NEK1: variants seen among roughly 807,000 people sequenced by gnomAD.
The protein encoded by NEK1 is NIMA related kinase 1, also known as serine/threonine-protein kinase Nek1.
A neutral mutation model predicts 182.1 loss-of-function variants in NEK1; 137 were observed. That is an observed-to-expected ratio of 0.75 (90% confidence interval 0.65 to 0.87). The LOEUF is 0.87. Among genes scored for constraint, NEK1 ranks in the 40% least tolerant of loss-of-function variants. The pLI, the probability that NEK1 is intolerant of heterozygous loss-of-function variation, is 0.00. For synonymous variants in NEK1, 513 were observed against 492.2 expected (o/e 1.04, Z -0.56); for missense variants, 1,391 against 1,494.4 (o/e 0.93, Z 1.14).
At chr4:169,480,695 T>G (rs1306794285) in intron 23 of NEK1, among the ~76,000 whole-genome samples, 1 of 152,154 alleles carries the variant, frequency 6.6e-6, no homozygotes, top group Non-Finnish European at 1.5e-5. Context: ...GCTGCATCCA[T>G]TGACTCTTTC....
rs72692986 is a variant in NEK1, at chr4:169,591,986, C to T, written c.313-1177G>A. ...AAGACTGGAGATGCAAATGACGGGG[C>T]GAAAAAATGCCCGAAAAACGCATAT... is the stretch of plus-strand genomic sequence containing the variant. On this transcript the variant is annotated intron_variant, in intron 5 of 35. Transcript: ENST00000507142. Among the ~76,000 whole-genome samples the T allele has an allele frequency of 6.9e-3, 1,031 of 150,388 alleles. 6 individuals are homozygous for T. Among genetic ancestry groups the T allele is most frequent in the Non-Finnish European group, 8.2e-3 (552 of 67,710 alleles).
At chr4:169,575,590 C>CA (rs1205069446) in intron 12 of NEK1, among the ~76,000 whole-genome samples, 1 of 152,208 alleles carries the variant, frequency 6.6e-6, no homozygotes, top group Non-Finnish European at 1.5e-5. Flanking sequence ...AGAGCAGCAC[C>CA]AGATAAGTTC....
chr4:169,601,423 G>A (rs1462907624), intron 4 of NEK1, among the ~76,000 whole-genome samples: 2 of 152,006 alleles, frequency 1.3e-5, no homozygotes, highest in African/African-American at 4.8e-5. Flanking sequence ...CTTAATACCT[G>A]CATTATTAAA....
chr4:169,498,350 CTT>C lies in NEK1; in HGVS notation c.2007+8685_2007+8686del, dbSNP rs1350732937. Among the ~76,000 whole-genome samples the C allele has an allele frequency of 2.6e-5, 4 of 152,178 alleles. No homozygotes were observed. The East Asian group carries it at 5.8e-4, about 22-fold the overall frequency. On this transcript the variant is annotated intron_variant, in intron 23 of 35. Transcript: ENST00000507142. ...TACAGCACACTGACGGATCTTGACT[CTT>C]TATCCAATTTGCCAGTCTGTGTCTT...
chr4:169,417,827 T>C (rs1734798141), intron 31 of NEK1, among the ~76,000 whole-genome samples: 1 of 152,162 alleles, frequency 6.6e-6, no homozygotes, highest in South Asian at 2.1e-4. Flanking sequence ...ATGAATGAAG[T>C]AAACCCTACC....
chr4:169,570,440 A>C (rs1358151558), intron 12 of NEK1, among the ~76,000 whole-genome samples: 3 of 144,362 alleles, frequency 2.1e-5, no homozygotes, highest in African/African-American at 7.8e-5. Flanking sequence ...CCAGCCGCCC[A>C]GTCTGGGAGG....
intron 27 of NEK1, among the ~76,000 whole-genome samples, chr4:169,461,203 T>A (rs999603780): frequency 6.6e-6 from 1 of 152,146 alleles, no homozygotes. Context: ...TACCTCCACA[T>A]ACACATGAGC....
intron 18 of NEK1, among the ~76,000 whole-genome samples, chr4:169,553,811 T>C (rs1055419290): frequency 2.0e-5 from 3 of 152,196 alleles, no homozygotes; most frequent in African/African-American, 7.2e-5. Flanking sequence ...ACTGATTAAA[T>C]TGGCCAAAAT....
chr4:169,610,337 C>T (rs1350882952), intron 2 of NEK1, among the ~76,000 whole-genome samples: 1 of 150,964 alleles, frequency 6.6e-6, no homozygotes, highest in African/African-American at 2.5e-5. Flanking sequence ...TTCTTTGAGA[C>T]AAGCCTCACT....
At chr4:169,538,390 T>G (rs1758844418) in intron 18 of NEK1, among the ~76,000 whole-genome samples, 2 of 152,158 alleles carry the variant, frequency 1.3e-5, no homozygotes, top group Admixed American at 1.3e-4. Context: ...TATGTTTGAA[T>G]TCCCTAAATA....
intron 31 of NEK1, among the ~76,000 whole-genome samples, chr4:169,410,659 C>T (rs1733517123): frequency 6.6e-6 from 1 of 152,118 alleles, no homozygotes; most frequent in Non-Finnish European, 1.5e-5. Context: ...GGAACACTTC[C>T]CAAAGACAAA....
At chr4:169,566,164 T>C (rs1173610832) in intron 12 of NEK1, among the ~76,000 whole-genome samples, 1 of 152,146 alleles carries the variant, frequency 6.6e-6, no homozygotes, top group Non-Finnish European at 1.5e-5. Flanking sequence ...AGCAACTTAA[T>C]ATAAATAACT....
At chr4:169,446,384 A>C (rs970558454) in intron 27 of NEK1, among the ~76,000 whole-genome samples, 1 of 152,186 alleles carries the variant, frequency 6.6e-6, no homozygotes, top group Non-Finnish European at 1.5e-5. Context: ...ATGTGAAACT[A>C]TTATGAACAA....
intron 27 of NEK1, among the ~76,000 whole-genome samples, chr4:169,440,864 G>C (rs149084922): frequency 2.0e-5 from 3 of 152,316 alleles, no homozygotes; most frequent in African/African-American, 7.2e-5. Flanking sequence ...AGTTTGTGCT[G>C]GATCTCACAC....
At chr4:169,530,757 G>A (rs1004304613) in intron 19 of NEK1, among the ~76,000 whole-genome samples, 3 of 151,258 alleles carry the variant, frequency 2.0e-5, no homozygotes, top group East Asian at 1.9e-4. Flanking sequence ...AAGGGTTGGC[G>A]GGGGGTGATG....
chr4:169,441,506 A>G (rs976815497), intron 27 of NEK1, among the ~76,000 whole-genome samples: 3 of 152,038 alleles, frequency 2.0e-5, no homozygotes, highest in Non-Finnish European at 4.4e-5. Context: ...CCTGCCTACC[A>G]CCACCACCAC....
intron 35 of NEK1, among the ~76,000 whole-genome samples, chr4:169,396,852 A>T (rs1263476502): frequency 2.0e-5 from 3 of 152,164 alleles, no homozygotes; most frequent in African/African-American, 7.2e-5. Flanking sequence ...ACAGAAAATA[A>T]AAGTGTGTAA....
intron 12 of NEK1, among the ~76,000 whole-genome samples, chr4:169,571,247 C>T (rs902525328): frequency 2.0e-5 from 3 of 151,630 alleles, no homozygotes; most frequent in Non-Finnish European, 4.4e-5. Flanking sequence ...AGCCTGGTTG[C>T]GGTGGCTCAT....
At chr4:169,611,067 T>C (rs1325155956) in intron 2 of NEK1, among the ~76,000 whole-genome samples, 2 of 152,230 alleles carry the variant, frequency 1.3e-5, no homozygotes, top group Non-Finnish European at 2.9e-5. Context: ...GATTTTGTAG[T>C]AGAAACTACC....
Sources: gnomAD v4.1 joint callset for allele counts (sites outside exome capture counted in the v4.1 genomes callset) on GRCh38, gnomAD v4.1.1 for gene constraint, MANE v1.5 for transcripts, NCBI Gene and HGNC (gene_info 2026-07-23, HGNC 2026-07-21) for gene names.